The following SERINC2 variants were observed in gnomAD, a reference collection of about 807,000 sequenced individuals.
The protein encoded by SERINC2 is tumor differentially expressed protein 2.
SERINC2 carries 56 observed loss-of-function variants against 54.2 expected under a neutral mutation model. That is an observed-to-expected ratio of 1.03 (90% CI 0.83 to 1.29). The LOEUF is 1.29. Among genes scored for constraint, SERINC2 ranks in the 50% most tolerant of loss-of-function variants. The pLI, the probability that SERINC2 is intolerant of heterozygous loss-of-function variation, is 0.00. For missense variants in SERINC2, 614 were observed against 607.4 expected, an observed-to-expected ratio of 1.01 and a Z score of -0.12; for synonymous variants, 272 against 253.1, an observed-to-expected ratio of 1.07 and a Z score of -0.71.
At position 31,434,080 on chromosome 1, in the gene SERINC2, A is replaced by G; in HGVS notation, c.1249A>G (p.Lys417Glu). The change falls in exon 10 of 10, where the codon AAG becomes GAG. Residue 417 changes from lysine to glutamate, a missense_variant. Coordinates refer to ENST00000373709, the MANE Select transcript of SERINC2 (RefSeq NM_178865.5). ...GTGTTCCAGGCCCGGTGAGACCCGG[A>G]AGATGATCAGCACGTGGACCGCCGT... ...TNWYKPGETRKMISTWTAVWV... is the reference protein window; with the variant it reads ...TNWYKPGETREMISTWTAVWV... 1 of 1,613,972 alleles carries G rather than the reference A, an allele frequency of 6.2e-7. No homozygotes were observed. The highest frequency in any genetic ancestry group is 1.1e-5 in the South Asian group (1 of 91,078).
chr1:31,414,290 C>T, intron 1 of SERINC2: 1 of 1,315,184 alleles, frequency 7.6e-7, no homozygotes, highest in Non-Finnish European at 9.6e-7. Context: ...TTTCCTCTTC[C>T]CCTCATTAAA....
rs781806817 is a variant in SERINC2, at chr1:31,424,720, C to A, written c.239C>A (p.Thr80Asn). ...TGTGAGGAGGGGGCCGGGATCCCCACCGTCCTGCAGGGCCACATCGACTGT... is the reference window on the plus strand; with the variant it reads ...TGTGAGGAGGGGGCCGGGATCCCCAACGTCCTGCAGGGCCACATCGACTGT... The part of the protein sequence containing the change: ...WVCEEGAGIP[T>N]VLQGHIDCGS... The change falls in exon 3 of 10, where the codon ACC becomes AAC. Residue 80 changes from threonine (T) to asparagine (N), a missense_variant. Transcript: ENST00000373709. 1.2e-6 allele frequency: 2 copies of A among 1,608,048 alleles called. No individual in the cohort carries two copies. The highest frequency in any genetic ancestry group is 1.7e-6 in the Non-Finnish European group (2 of 1,177,500).
chr1:31,414,633 A>G, intron 1 of SERINC2: 1 of 985,588 alleles, frequency 1.0e-6, no homozygotes. Flanking sequence ...GTGCGTGTGC[A>G]GGAGGAGGAA....
chr1:31,410,384 G>C, upstream of SERINC2: 1 of 1,547,962 alleles, frequency 6.5e-7, no homozygotes, highest in South Asian at 1.2e-5. Flanking sequence ...TTATTTTACA[G>C]ATGAGAAGCA....
chr1:31,424,539 G>T, intron 2 of SERINC2, 144 bp from the exon 3 acceptor site: 1 of 664,048 alleles, frequency 1.5e-6, no homozygotes. Flanking sequence ...GAGGTGAGGG[G>T]CTCCCCTCCC....
chr1:31,427,160 T>C (rs1641068082), intron 6 of SERINC2, among the ~76,000 whole-genome samples: 1 of 152,036 alleles, frequency 6.6e-6, no homozygotes, highest in South Asian at 2.1e-4. Flanking sequence ...GTAGTTATTA[T>C]TGTTGTCATT....
At chr1:31,424,371 G>A (rs139271873) in intron 2 of SERINC2, among the ~76,000 whole-genome samples, 13 of 152,322 alleles carry the variant, frequency 8.5e-5, no homozygotes, top group East Asian at 7.7e-4. Flanking sequence ...TCTGATGTAG[G>A]TGGTGGGTGG....
intron 8 of SERINC2, among the ~76,000 whole-genome samples, chr1:31,430,881 C>G (rs1362514533): frequency 6.6e-6 from 1 of 152,216 alleles, no homozygotes; most frequent in African/African-American, 2.4e-5. Flanking sequence ...CCCCTGATCT[C>G]CCCGATCCAT....
chr1:31,426,867 G>C, intron 6 of SERINC2, 44 bp downstream of exon 6: 2 of 1,573,054 alleles, frequency 1.3e-6, no homozygotes, highest in Non-Finnish European at 1.7e-6. Flanking sequence ...CGGCCCCTTA[G>C]TGGGTGGGAC....
intron 8 of SERINC2, among the ~76,000 whole-genome samples, chr1:31,431,323 A>T (rs1641192035): frequency 6.8e-6 from 1 of 146,154 alleles, no homozygotes; most frequent in African/African-American, 2.5e-5. Context: ...TTTTGTAGAG[A>T]CACTATGTTG....
chr1:31,416,797 T>C (rs1459776099), intron 1 of SERINC2, among the ~76,000 whole-genome samples: 1 of 152,240 alleles, frequency 6.6e-6, no homozygotes, highest in Non-Finnish European at 1.5e-5. Flanking sequence ...TCTGGCTCAC[T>C]GCAACCTCTG....
In SERINC2 at chr1:31,413,633, G is replaced by A. The variant is rs919713711; in HGVS notation, c.39+329G>A. 4.5e-4 allele frequency among the ~76,000 whole-genome samples: 68 copies of A among 152,134 alleles called. No individual in the cohort carries two copies. The highest frequency in any genetic ancestry group is 1.6e-3 in the African/African-American group (67 of 41,554). On this transcript the variant is annotated intron_variant, in intron 1 of 9. Coordinates refer to ENST00000373709, the MANE Select transcript of SERINC2 (RefSeq NM_178865.5). This position sits in a 1 kb window ranked among gnomAD's most constrained non-coding sequence, Gnocchi z 5.0. Reference sequence around the variant, plus strand: ...TGGAGCCCGGGGTCGGGGCAGCTCTGTGGGCCCTCGTCGCCCCACTTGGGG... The same window carrying A: ...TGGAGCCCGGGGTCGGGGCAGCTCTATGGGCCCTCGTCGCCCCACTTGGGG...
chr1:31,434,446 T>C lies in SERINC2; in HGVS notation c.*247T>C. The C allele has an allele frequency of 7.6e-6, 4 of 529,454 alleles. No individual in the cohort carries two copies. Among genetic ancestry groups the C allele is most frequent in the South Asian group, 2.5e-5 (1 of 39,682 alleles). 32.8% of individuals were successfully genotyped at this position (529,454 alleles called of 1,614,324 possible). A position where few individuals can be genotyped will look rare whatever the true frequency, so the allele number is the denominator to read the frequency against. ...CGGTGGAGCTGCCTCTTCCTTCCCC[T>C]CCTCCCTGTTGCCCATACTCAGCAT... On this transcript the variant is annotated 3_prime_UTR_variant, in exon 10 of 10. Coordinates refer to ENST00000373709, the MANE Select transcript of SERINC2 (RefSeq NM_178865.5).
Position 31,425,913 on chromosome 1 carries a change from G to T in SERINC2, c.610G>T (p.Gly204Cys). 6.2e-7 allele frequency: 1 copy of T among 1,610,534 alleles called. No individual in the cohort carries two copies. The highest frequency in any genetic ancestry group is 1.1e-5 in the South Asian group (1 of 90,964). ...GTGCGATTCCCGTGCCTGGTACGCAGGTCAGTGCTGCCACCCTGCCTCCGT... is the reference window on the plus strand; with the variant it reads ...GTGCGATTCCCGTGCCTGGTACGCATGTCAGTGCTGCCACCCTGCCTCCGT... ...EECDSRAWYAGLFFFTLLFYL... is the reference protein window; with the variant it reads ...EECDSRAWYACLFFFTLLFYL... The change falls in exon 5 of 10, where the codon GGC (glycine) becomes TGC (cysteine). Residue 204 changes from glycine (G) to cysteine (C), a missense_variant and splice_region_variant. Transcript: ENST00000373709.
chr1:31,412,000 CAAAAAAAAAAAAAAAA>C (rs11368197), upstream of SERINC2, among the ~76,000 whole-genome samples: 2 of 44,504 alleles, frequency 4.5e-5, no homozygotes, highest in African/African-American at 1.8e-4. Flanking sequence ...GACCCTGTCT[CAAAAAAAAAAAAAAAA>C]AAAAAAAAAA....
chr1:31,423,525 A>G (rs573308378), intron 1 of SERINC2, among the ~76,000 whole-genome samples, 168 bp from the exon 2 acceptor site: 1 of 152,280 alleles, frequency 6.6e-6, no homozygotes, highest in African/African-American at 2.4e-5. Flanking sequence ...GTGTAGCCCT[A>G]TATGACCCAG....
chr1:31,432,821 G>T (rs1553134930), intron 8 of SERINC2, 146 bp from the exon 9 acceptor site: 3 of 628,832 alleles, frequency 4.8e-6, no homozygotes, highest in Non-Finnish European at 8.4e-6. Flanking sequence ...GTGGGGGTAG[G>T]GGTAGAGTTG....
At chr1:31,424,926 C>T (rs12145995) in intron 3 of SERINC2, 53 bp downstream of exon 3, 140,381 of 1,468,532 alleles carry the variant, frequency 0.096, 7,776 homozygotes, top group Non-Finnish European at 0.11. Context: ...GTGCCTTGCC[C>T]GCTCCTCTGC....
upstream of SERINC2, among the ~76,000 whole-genome samples, chr1:31,411,402 A>G (rs1430854993): frequency 6.6e-6 from 1 of 152,072 alleles, no homozygotes; most frequent in South Asian, 2.1e-4. Flanking sequence ...GCGTGTCACT[A>G]CTTCTTTGTT....
Sources: allele counts gnomAD v4.1 joint callset (sites outside exome capture counted in the v4.1 genomes callset), GRCh38; gene constraint gnomAD v4.1.1; non-coding constraint Gnocchi (gnomAD v3.1); transcripts MANE v1.5; gene names NCBI Gene and HGNC (gene_info 2026-07-23, HGNC 2026-07-21).